The following CHD2 variants were observed in gnomAD, a reference collection of about 807,000 sequenced individuals.
CHD2 encodes ATP-dependent chromatin remodeler CHD2.
Under a neutral mutation model 243.9 loss-of-function variants are expected in CHD2, and 28 were observed. The observed-to-expected ratio is 0.11, with a 90% confidence interval of 0.09 to 0.16. CHD2 has a LOEUF of 0.16. Among genes scored for constraint, CHD2 ranks in the 10% least tolerant of loss-of-function variants. The pLI, the probability that CHD2 is intolerant of heterozygous loss-of-function variation, is 1.00. For missense variants in CHD2, 1,386 were observed against 2,209.8 expected, an observed-to-expected ratio of 0.63 and a Z score of 7.47; for synonymous variants, 775 against 779.0, an observed-to-expected ratio of 0.99 and a Z score of 0.09.
intron 38 of CHD2, 144 bp downstream of exon 38, chr15:93,020,402 T>G: frequency 9.7e-7 from 1 of 1,033,882 alleles, no homozygotes; most frequent in Non-Finnish European, 1.4e-6. Flanking sequence ...GAATCCCATG[T>G]CTTGGTTATA....
chr15:92,955,547 C>A, intron 15 of CHD2, 35 bp downstream of exon 15: 1 of 1,361,454 alleles, frequency 7.3e-7, no homozygotes, highest in Non-Finnish European at 1.0e-6. Context: ...TAAATCTTTT[C>A]CAGTGCGACT....
At position 92,997,167 on chromosome 15, in the gene CHD2, A is replaced by G. The variant is rs2054199176; in HGVS notation, c.3734+72A>G. The stretch of plus-strand genomic sequence containing the variant: ...ATAGATTTGAAGTTAGACTTTGTGT[A>G]GTTCCATAGTATTTTTACTGTCTCT... On this transcript the variant is annotated intron_variant, in intron 29 of 38. Transcript: ENST00000394196. This position sits in a 1 kb window ranked among gnomAD's most constrained non-coding sequence, Gnocchi z 4.1. 1.9e-6 allele frequency: 3 copies of G among 1,605,074 alleles called. No homozygotes were observed. The highest frequency in any genetic ancestry group is 2.2e-5 in the South Asian group (2 of 89,524).
chr15:92,998,737 G>A lies in CHD2; in HGVS notation c.4008+116G>A. The A allele has an allele frequency of 7.7e-7, 1 of 1,303,700 alleles. No homozygotes were observed. Among genetic ancestry groups the A allele is most frequent in the South Asian group, 1.6e-5 (1 of 63,526 alleles). 80.8% of individuals were successfully genotyped at this position (1,303,700 alleles called of 1,614,324 possible). A position where few individuals can be genotyped will look rare whatever the true frequency, so the allele number is the denominator to read the frequency against. On this transcript the variant is annotated intron_variant, in intron 31 of 38. Coordinates refer to ENST00000394196, the MANE Select transcript of CHD2 (RefSeq NM_001271.4). The surrounding 1 kb of genome is among the most constrained non-coding windows in gnomAD (Gnocchi z 5.1). ...TGCACAGAATGTCACCTTCTCATGG[G>A]CATATTTTGTTTTTGAGGTTCCAGT...
rs2052518348 is a variant in CHD2 at position 92,900,799 on chromosome 15, T to C, written c.-97T>C. 4 of 395,370 alleles carry C rather than the reference T, an allele frequency of 1.0e-5. No individual in the cohort carries two copies. The East Asian group carries it at 1.4e-4, about 14-fold the overall frequency. 24.5% of individuals were successfully genotyped at this position (395,370 alleles called of 1,614,324 possible). ...TTTTTCTACTAGTAGATAGGACTCT[T>C]GGTTTGGACATACTACATGGATCAG... is the stretch of plus-strand genomic sequence containing the variant. On this transcript the variant is annotated 5_prime_UTR_variant, in exon 1 of 39. Coordinates refer to ENST00000394196, the MANE Select transcript of CHD2 (RefSeq NM_001271.4).
At chr15:92,974,806 C>A in intron 19 of CHD2, 73 bp from the exon 20 acceptor site, 1 of 1,382,558 alleles carries the variant, frequency 7.2e-7, no homozygotes, top group Non-Finnish European at 1.0e-6. Context: ...GATAAAGGTT[C>A]CAAGTCTGCT....
At chr15:92,954,072 C>G (rs374275603) in intron 14 of CHD2, 8 of 153,328 alleles carry the variant, frequency 5.2e-5, no homozygotes, top group African/African-American at 1.7e-4. Flanking sequence ...TGTTACCAAA[C>G]TTTATTTGGG....
chr15:92,974,828 A>G (rs376196353), intron 19 of CHD2, 51 bp from the exon 20 acceptor site: 12 of 1,535,532 alleles, frequency 7.8e-6, no homozygotes, highest in Non-Finnish European at 1.1e-5. Context: ...TTCTATTCTG[A>G]GTGTAGCTGA....
intron 2 of CHD2, among the ~76,000 whole-genome samples, chr15:92,910,596 A>G (rs2052714207): frequency 6.6e-6 from 1 of 151,968 alleles, no homozygotes; most frequent in African/African-American, 2.4e-5. Flanking sequence ...GGATTTCACC[A>G]TGTCGGTCAG....
intron 2 of CHD2, among the ~76,000 whole-genome samples, chr15:92,922,019 G>A (rs913032147): frequency 3.3e-5 from 5 of 152,304 alleles, no homozygotes; most frequent in Non-Finnish European, 1.5e-5. Flanking sequence ...AGGGGTTAAG[G>A]AGTCAGTAAT....
intron 12 of CHD2, among the ~76,000 whole-genome samples, chr15:92,948,506 G>A (rs7166195): frequency 1.4e-3 from 218 of 152,298 alleles, no homozygotes; most frequent in African/African-American, 5.0e-3. Flanking sequence ...GAAGAAAGGG[G>A]TGATGGAGTG....
chr15:92,989,300 C>G (rs987901155), intron 26 of CHD2, among the ~76,000 whole-genome samples: 10 of 151,922 alleles, frequency 6.6e-5, no homozygotes, highest in Non-Finnish European at 1.5e-4. Context: ...CCAAAGTGCT[C>G]GGATTACAGG....
intron 13 of CHD2, among the ~76,000 whole-genome samples, chr15:92,949,573 T>C (rs1274612720): frequency 6.6e-6 from 1 of 152,158 alleles, no homozygotes; most frequent in Non-Finnish European, 1.5e-5. Context: ...CAGAGGAAGG[T>C]TGAACCTGTG....
intron 35 of CHD2, among the ~76,000 whole-genome samples, chr15:93,009,844 A>G (rs2054368124): frequency 6.6e-6 from 1 of 152,234 alleles, no homozygotes; most frequent in Non-Finnish European, 1.5e-5. Flanking sequence ...TTAAGGCATC[A>G]TGGTTTATAA....
intron 1 of CHD2, 34 bp from the exon 2 acceptor site, chr15:92,901,133 G>A (rs1044824866): frequency 2.8e-6 from 2 of 714,312 alleles, no homozygotes; most frequent in Middle Eastern, 2.3e-4. Flanking sequence ...ATCGATAGAA[G>A]CCGGGACCTT....
chr15:92,962,686 T>C (rs1051198405), intron 16 of CHD2, among the ~76,000 whole-genome samples: 2 of 152,212 alleles, frequency 1.3e-5, no homozygotes, highest in African/African-American at 2.4e-5. Context: ...TTCAAGACTT[T>C]TATATCTTTT....
intron 16 of CHD2, among the ~76,000 whole-genome samples, chr15:92,957,271 C>G (rs1233451510): frequency 6.6e-6 from 1 of 152,222 alleles, no homozygotes; most frequent in Non-Finnish European, 1.5e-5. Flanking sequence ...GCCATTCTGG[C>G]TATCTTTCTG....
intron 2 of CHD2, among the ~76,000 whole-genome samples, chr15:92,918,326 C>G (rs954459792): frequency 6.6e-6 from 1 of 152,090 alleles, no homozygotes; most frequent in African/African-American, 2.4e-5. Flanking sequence ...TGATTGGAAT[C>G]TGAATTCCCA....
At position 93,004,110 on chromosome 15, in the gene CHD2, C is replaced by T. The variant is rs532507842; in HGVS notation, c.4279-507C>T. On this transcript the variant is annotated intron_variant, in intron 33 of 38. Coordinates refer to ENST00000394196, the MANE Select transcript of CHD2 (RefSeq NM_001271.4). ...CTGCACTCCGGCCAGGATGACAGAG[C>T]GAGAATCTGTCTCAAAAAAAAAAAA... 4.6e-3 allele frequency among the ~76,000 whole-genome samples: 623 copies of T among 135,472 alleles called. 2 individuals carry two copies. The highest frequency in any genetic ancestry group is 0.015 in the African/African-American group (535 of 35,006). 88.9% of individuals were successfully genotyped at this position (135,472 alleles called of 152,430 possible). A position where few individuals can be genotyped will look rare whatever the true frequency, so the allele number is the denominator to read the frequency against.
chr15:93,020,139 G>A lies in CHD2; in HGVS notation c.5034G>A (p.Arg1678=). Residue 1678 remains arginine, a synonymous_variant, in exon 38 of 39, where the codon CGG becomes CGA. Transcript: ENST00000394196. Reference sequence around the variant, plus strand: ...ACAAGGACCACCATTATGGGGACCGGCGACATATGGATGCCCACCGTTCCG... The same window carrying A: ...ACAAGGACCACCATTATGGGGACCGACGACATATGGATGCCCACCGTTCCG... ...HWYKDHHYGD[R]RHMDAHRSGS... The A allele has an allele frequency of 2.5e-6, 4 of 1,614,054 alleles. No individual in the cohort carries two copies. In the South Asian group the frequency reaches 3.3e-5, roughly 13 times the overall value.
Sources: allele counts gnomAD v4.1 joint callset (sites outside exome capture counted in the v4.1 genomes callset), GRCh38; gene constraint gnomAD v4.1.1; non-coding constraint Gnocchi (gnomAD v3.1); transcripts MANE v1.5; gene names NCBI Gene and HGNC (gene_info 2026-07-23, HGNC 2026-07-21).